Variants in GPHN observed in about 807,000 individuals in gnomAD.
The protein encoded by GPHN is gephyrin.
Under a neutral mutation model 95.5 loss-of-function variants are expected in GPHN, and 17 were observed. That is an observed-to-expected ratio of 0.18 (90% CI 0.12 to 0.27). The LOEUF is 0.27. GPHN is among the 10% of genes least tolerant of loss of function. The pLI, the probability that GPHN is intolerant of heterozygous loss-of-function variation, is 1.00. For synonymous variants in GPHN, 320 were observed against 322.5 expected, an observed-to-expected ratio of 0.99 and a Z score of 0.08; for missense variants, 660 against 978.1, an observed-to-expected ratio of 0.67 and a Z score of 4.34.
chr14:66,544,794 A>T (rs1029053733), intron 1 of GPHN, among the ~76,000 whole-genome samples: 2 of 151,902 alleles, frequency 1.3e-5, no homozygotes, highest in Admixed American at 6.6e-5. Flanking sequence ...ATGACTCTTA[A>T]GGAGCATGCT....
intron 5 of GPHN, among the ~76,000 whole-genome samples, chr14:66,904,270 G>A (rs1427604039): frequency 6.6e-6 from 1 of 152,032 alleles, no homozygotes; most frequent in Non-Finnish European, 1.5e-5. Flanking sequence ...AATCAAGCAG[G>A]TTGCCCCTGC....
intron 2 of GPHN, among the ~76,000 whole-genome samples, chr14:66,748,796 T>C (rs766497149): frequency 3.9e-5 from 6 of 152,030 alleles, no homozygotes; most frequent in Non-Finnish European, 8.8e-5. Context: ...TTTTAAATAA[T>C]TTTAGGCATG....
chr14:66,957,748 C>A (rs2068626879), intron 8 of GPHN, among the ~76,000 whole-genome samples: 1 of 152,092 alleles, frequency 6.6e-6, no homozygotes, highest in South Asian at 2.1e-4. Context: ...AAGCCCCAGG[C>A]CAAGGACTGA....
chr14:66,676,339 G>A (rs2066586277), intron 1 of GPHN, among the ~76,000 whole-genome samples: 1 of 151,992 alleles, frequency 6.6e-6, no homozygotes, highest in Admixed American at 6.6e-5. Context: ...AGGAATTCCA[G>A]TTCTATCTTA....
At chr14:67,589,440 A>T in the GPHN span, 2 of 985,250 alleles carry the variant, frequency 2.0e-6, no homozygotes, top group Non-Finnish European at 2.4e-6. Flanking sequence ...ATAAAAAAAA[A>T]TGCTGAGTAA....
intron 1 of GPHN, among the ~76,000 whole-genome samples, chr14:66,565,188 TG>T (rs1179612564): frequency 3.3e-5 from 5 of 152,172 alleles, no homozygotes; most frequent in African/African-American, 7.2e-5. Flanking sequence ...TTAAGGATTT[TG>T]TTTTGTAGGA....
At chr14:66,767,990 AAT>A (rs2153456460) in intron 2 of GPHN, among the ~76,000 whole-genome samples, 1 of 152,134 alleles carries the variant, frequency 6.6e-6, no homozygotes, top group East Asian at 1.9e-4. Flanking sequence ...CAATATAAAT[AAT>A]AGTACACAAA....
intron 1 of GPHN, among the ~76,000 whole-genome samples, chr14:66,587,862 C>G (rs1414774377): frequency 6.6e-6 from 1 of 152,132 alleles, no homozygotes; most frequent in South Asian, 2.1e-4. Context: ...AGCAGCAGAT[C>G]CCCCAGCACA....
At chr14:66,875,433 A>G (rs1236252244) in intron 4 of GPHN, among the ~76,000 whole-genome samples, 1 of 152,014 alleles carries the variant, frequency 6.6e-6, no homozygotes, top group Non-Finnish European at 1.5e-5. Flanking sequence ...TAAATGGGCT[A>G]AATGCCCCCA....
At chr14:67,173,437 AC>A (rs1422929415) in intron 21 of GPHN, among the ~76,000 whole-genome samples, 1 of 152,184 alleles carries the variant, frequency 6.6e-6, no homozygotes, top group African/African-American at 2.4e-5. Flanking sequence ...TAACTGAGGC[AC>A]CCACAGTTAC....
chr14:67,419,495 G>A, the GPHN span, among the ~76,000 whole-genome samples: 2 of 152,190 alleles, frequency 1.3e-5, no homozygotes, highest in Non-Finnish European at 2.9e-5. Flanking sequence ...TGCAGTCTGC[G>A]TTCAACTACC....
chr14:67,152,949 G>A (rs1216281122), intron 18 of GPHN, among the ~76,000 whole-genome samples: 3 of 143,600 alleles, frequency 2.1e-5, no homozygotes, highest in Admixed American at 1.4e-4. Flanking sequence ...TGGTGACAGA[G>A]CGAGACTCCG....
Position 66,965,227 on chromosome 14 carries a change from C to G in GPHN, c.865C>G (p.Leu289Val). 6.2e-7 allele frequency: 1 copy of G among 1,608,870 alleles called. No individual in the cohort carries two copies. The highest frequency in any genetic ancestry group is 1.1e-5 in the South Asian group (1 of 90,980). ...CATCATTTCTCGTGGTGTTCAGGTG[C>G]TCCCACGAGACACAGCCTCCCTCAG... ...DSIISRGVQV[L>V]PRDTASLSTT... The change falls in exon 9 of 23, where the codon CTC becomes GTC. Residue 289 changes from leucine (L) to valine (V), a missense_variant. Leu to Val is a conservative substitution (Grantham distance 32). Coordinates refer to ENST00000478722, the MANE Select transcript of GPHN (RefSeq NM_020806.5).
chr14:67,055,097 A>G (rs6573748), intron 10 of GPHN, among the ~76,000 whole-genome samples: 51,389 of 152,096 alleles, frequency 0.34, 14,137 homozygotes, highest in African/African-American at 0.74. Context: ...TTGACAAATG[A>G]GATCTAATTA....
In GPHN at chr14:66,776,409, A is replaced by G. The variant is rs2059384123; in HGVS notation, c.144-55A>G. On this transcript the variant is annotated intron_variant, in intron 2 of 22. Transcript: ENST00000478722. ...CTGATGGTAATGGCAGAAATCTTTC[A>G]TACATTTTAAACACTATTGCTGGTT... 10 of 1,023,796 alleles carry G rather than the reference A, an allele frequency of 9.8e-6. No homozygotes were observed. The Middle Eastern group carries it at 6.1e-4, about 62-fold the overall frequency. 63.4% of individuals were successfully genotyped at this position (1,023,796 alleles called of 1,614,324 possible).
At chr14:66,948,794 G>A (rs530006668) in intron 8 of GPHN, among the ~76,000 whole-genome samples, 3 of 152,264 alleles carry the variant, frequency 2.0e-5, no homozygotes, top group Admixed American at 2.0e-4. Flanking sequence ...ACATTGCATT[G>A]ACAAGTTTTG....
At chr14:67,548,400 AAT>A in the GPHN span, among the ~76,000 whole-genome samples, 1 of 152,182 alleles carries the variant, frequency 6.6e-6, no homozygotes, top group African/African-American at 2.4e-5. Flanking sequence ...TGAGGGTATT[AAT>A]AAAAGAAGAA....
intron 1 of GPHN, among the ~76,000 whole-genome samples, chr14:66,592,380 G>A (rs11876828): frequency 1.3e-4 from 20 of 151,492 alleles, no homozygotes; most frequent in Non-Finnish European, 2.8e-4. Context: ...TACAGAATGG[G>A]AGAAAATTTT....
At chr14:67,474,058 C>T in the GPHN span, 28 of 1,178,040 alleles carry the variant, frequency 2.4e-5, no homozygotes, top group African/African-American at 3.7e-4. Context: ...TCCAAACCAG[C>T]CTGGCCATCA....
Sources: allele counts gnomAD v4.1 joint callset (sites outside exome capture counted in the v4.1 genomes callset), GRCh38; gene constraint gnomAD v4.1.1; transcripts MANE v1.5; gene names NCBI Gene and HGNC (gene_info 2026-07-23, HGNC 2026-07-21).